Variants in SPECC1 observed in about 807,000 individuals in gnomAD.
SPECC1 encodes the protein sperm antigen with calponin homology and coiled-coil domains 1.
SPECC1 carries 62 observed loss-of-function variants against 104.1 expected under a neutral mutation model. The ratio of observed to expected loss-of-function variants is 0.60; its 90% CI spans 0.49 to 0.74. The LOEUF (loss-of-function observed/expected upper bound fraction) is 0.74. SPECC1 is among the 30% of genes least tolerant of loss of function. SPECC1 has a pLI of 0.00. For missense variants in SPECC1, 1,306 were observed against 1,310.5 expected (o/e 1.00, Z 0.05); for synonymous variants, 513 against 501.6 (o/e 1.02, Z -0.30).
intron 3 of SPECC1, among the ~76,000 whole-genome samples, chr17:20,161,909 C>G (rs2033192077): frequency 6.6e-6 from 1 of 151,762 alleles, no homozygotes; most frequent in African/African-American, 2.4e-5. Context: ...ATTCTCCTGC[C>G]TCAGCCTCTT....
At chr17:20,196,852 A>G (rs2151307521) in intron 3 of SPECC1, among the ~76,000 whole-genome samples, 1 of 152,364 alleles carries the variant, frequency 6.6e-6, no homozygotes, top group Non-Finnish European at 1.5e-5. Context: ...TCTGACCTGC[A>G]TAATTTAGAC....
chr17:20,203,170 A>G (rs1037787276), intron 3 of SPECC1, among the ~76,000 whole-genome samples: 2 of 151,952 alleles, frequency 1.3e-5, no homozygotes, highest in Non-Finnish European at 2.9e-5. Flanking sequence ...AGAGGCCTAC[A>G]GGTTGATGAC....
chr17:20,288,266 A>G (rs962288047), intron 12 of SPECC1, among the ~76,000 whole-genome samples: 1 of 152,196 alleles, frequency 6.6e-6, no homozygotes, highest in Non-Finnish European at 1.5e-5. Context: ...GTGTGCATGT[A>G]TCTTTATAAT....
intron 9 of SPECC1, among the ~76,000 whole-genome samples, chr17:20,249,770 A>G (rs2151554351): frequency 6.6e-6 from 1 of 152,336 alleles, no homozygotes; most frequent in Middle Eastern, 3.4e-3. Flanking sequence ...ACTGAAGCAC[A>G]GAGAAAAAGG....
chr17:20,300,878 TG>T (rs1186468723), intron 13 of SPECC1, among the ~76,000 whole-genome samples: 1 of 152,250 alleles, frequency 6.6e-6, no homozygotes, highest in Non-Finnish European at 1.5e-5. Flanking sequence ...GAGTCAGCCC[TG>T]GATGTCTGGA....
At chr17:20,032,296 A>T (rs116644279) in intron 1 of SPECC1, among the ~76,000 whole-genome samples, 1 of 152,058 alleles carries the variant, frequency 6.6e-6, no homozygotes, top group Non-Finnish European at 1.5e-5. Context: ...TCTTGATTGT[A>T]TAGGTTATTG....
chr17:20,280,217 G>A (rs2040719623), intron 12 of SPECC1, among the ~76,000 whole-genome samples: 1 of 152,192 alleles, frequency 6.6e-6, no homozygotes, highest in Admixed American at 6.5e-5. Context: ...AGTAGCGAAT[G>A]GTGATGGAAG....
intron 2 of SPECC1, among the ~76,000 whole-genome samples, chr17:20,099,759 G>A (rs1315322097): frequency 6.7e-6 from 1 of 148,994 alleles, no homozygotes; most frequent in Non-Finnish European, 1.5e-5. Flanking sequence ...AGAAGCATAG[G>A]AATGTTTCTA....
chr17:20,213,404 T>C (rs1280448724), intron 4 of SPECC1, among the ~76,000 whole-genome samples: 1 of 152,184 alleles, frequency 6.6e-6, no homozygotes, highest in African/African-American at 2.4e-5. Flanking sequence ...GCTCTTATTA[T>C]AATCACTGAT....
chr17:20,031,064 G>A (rs1259087009), intron 1 of SPECC1, among the ~76,000 whole-genome samples: 1 of 152,040 alleles, frequency 6.6e-6, no homozygotes, highest in Non-Finnish European at 1.5e-5. Context: ...GCGCGATCTC[G>A]ACTCACTGCA....
intron 3 of SPECC1, among the ~76,000 whole-genome samples, chr17:20,194,935 G>A (rs1423665552): frequency 6.6e-6 from 1 of 152,170 alleles, no homozygotes; most frequent in Non-Finnish European, 1.5e-5. Flanking sequence ...TTGTGCATAG[G>A]AGTATATAAA....
intron 4 of SPECC1, among the ~76,000 whole-genome samples, chr17:20,222,858 G>A (rs1028756178): frequency 2.0e-5 from 3 of 152,052 alleles, no homozygotes; most frequent in Non-Finnish European, 4.4e-5. Flanking sequence ...TGTCATGTTT[G>A]ACATTTTTTC....
chr17:20,082,109 C>CA (rs2046997881), intron 1 of SPECC1, among the ~76,000 whole-genome samples: 1 of 152,196 alleles, frequency 6.6e-6, no homozygotes, highest in Non-Finnish European at 1.5e-5. Flanking sequence ...TGCACAACTT[C>CA]CACCGTGCTC....
intron 7 of SPECC1, among the ~76,000 whole-genome samples, chr17:20,236,494 A>C (rs1180454687): frequency 6.6e-6 from 1 of 152,122 alleles, no homozygotes; most frequent in Non-Finnish European, 1.5e-5. Context: ...TGCAGTTATA[A>C]AAGCAAGAAG....
At chr17:20,020,725 C>T (rs567524123) in intron 1 of SPECC1, among the ~76,000 whole-genome samples, 1 of 152,252 alleles carries the variant, frequency 6.6e-6, no homozygotes, top group East Asian at 1.9e-4. Flanking sequence ...CATGCAAGCC[C>T]CTCTGTTGTT....
At chr17:20,016,052 A>T (rs958096007) in intron 1 of SPECC1, among the ~76,000 whole-genome samples, 15 of 151,148 alleles carry the variant, frequency 9.9e-5, no homozygotes, top group African/African-American at 2.2e-4. Flanking sequence ...CTACTAAAAA[A>T]AAAATAAAAT....
Position 20,082,957 on chromosome 17 carries a change from TGTTCGTTCGTTCGTTCGTTC to T in SPECC1, c.-21-13645_-21-13626del, listed in dbSNP as rs5819696. 2.1e-3 allele frequency among the ~76,000 whole-genome samples: 313 copies of T among 147,762 alleles called. 2 individuals carry two copies. The highest frequency in any genetic ancestry group is 6.4e-3 in the African/African-American group (253 of 39,474). On this transcript the variant is annotated intron_variant, in intron 1 of 14. Coordinates refer to ENST00000395527, the MANE Select transcript of SPECC1 (RefSeq NM_001243439.2). ...TAGCACTGGTTGCTGTGTCCTTTGG[TGTTCGTTCGTTCGTTCGTTC>T]GTTCGTTCGTTCGTTCGTTCGTTCG...
chr17:20,037,275 GT>G (rs202174253), intron 1 of SPECC1, among the ~76,000 whole-genome samples: 6 of 149,122 alleles, frequency 4.0e-5, no homozygotes, highest in East Asian at 2.0e-4. Context: ...GTTTATTTTT[GT>G]TTTTTTTTCC....
At chr17:20,098,053 C>CT (rs1231295966) in intron 2 of SPECC1, among the ~76,000 whole-genome samples, 8 of 152,190 alleles carry the variant, frequency 5.3e-5, no homozygotes, top group Admixed American at 1.3e-4. Flanking sequence ...TTTTAACACT[C>CT]TAAGTGGATA....
Sources: gnomAD v4.1 joint callset for allele counts (sites outside exome capture counted in the v4.1 genomes callset) on GRCh38, gnomAD v4.1.1 for gene constraint, MANE v1.5 for transcripts, NCBI Gene and HGNC (gene_info 2026-07-23, HGNC 2026-07-21) for gene names.